The following HDAC4 variants were observed in gnomAD, a reference collection of about 807,000 sequenced individuals.
The protein encoded by HDAC4 is histone deacetylase A.
In HDAC4, 16 loss-of-function variants were observed where a neutral mutation model predicts 135.1. The observed-to-expected ratio is 0.12, with a 90% CI of 0.08 to 0.18. The LOEUF is 0.18. Among genes scored for constraint, HDAC4 ranks in the 10% least tolerant of loss-of-function variants. HDAC4 has a pLI of 1.00. For missense variants in HDAC4, 1,143 were observed against 1,511.8 expected, an observed-to-expected ratio of 0.76 and a Z score of 4.05; for synonymous variants, 685 against 653.4, an observed-to-expected ratio of 1.05 and a Z score of -0.74.
chr2:239,169,095 A>T (rs895802), intron 5 of HDAC4, among the ~76,000 whole-genome samples: 78,335 of 152,096 alleles, frequency 0.52, 20,899 homozygotes, highest in South Asian at 0.72. Context: ...GTAAACTCTG[A>T]GGAAGTAATT....
At chr2:239,083,177 G>A (rs1036218952) in intron 20 of HDAC4, among the ~76,000 whole-genome samples, 6 of 152,164 alleles carry the variant, frequency 3.9e-5, no homozygotes, top group Admixed American at 1.3e-4. Flanking sequence ...AGCTCAGCGC[G>A]CAGGGAGCAC....
chr2:239,236,566 G>A (rs201710105), intron 3 of HDAC4, 27 bp downstream of exon 3: 15 of 1,542,362 alleles, frequency 9.7e-6, no homozygotes, highest in Admixed American at 7.8e-5. Context: ...AGGGCCGGCC[G>A]GACAGGGCAG....
intron 2 of HDAC4, among the ~76,000 whole-genome samples, chr2:239,315,312 C>T (rs184592777): frequency 4.2e-4 from 64 of 152,290 alleles, no homozygotes; most frequent in Middle Eastern, 3.4e-3. Context: ...GAGGCTGTGT[C>T]ACAGGCACGT....
At chr2:239,160,795 T>C (rs1016162266) in intron 6 of HDAC4, among the ~76,000 whole-genome samples, 2 of 152,278 alleles carry the variant, frequency 1.3e-5, no homozygotes, top group Non-Finnish European at 2.9e-5. Context: ...ACTCGTCGTG[T>C]TGCTTGCTTT....
At chr2:239,165,482 C>T (rs1446097412) in intron 5 of HDAC4, among the ~76,000 whole-genome samples, 3 of 151,330 alleles carry the variant, frequency 2.0e-5, no homozygotes, top group Non-Finnish European at 4.4e-5. Flanking sequence ...TGTTGTGGGT[C>T]TGTGTGTGTG....
At chr2:239,113,078 AAAAC>A (rs917681355) in intron 13 of HDAC4, among the ~76,000 whole-genome samples, 12 of 152,234 alleles carry the variant, frequency 7.9e-5, no homozygotes, top group South Asian at 2.1e-4. Flanking sequence ...ACAAACAAAC[AAAAC>A]AAACAAACAA....
Position 239,240,831 on chromosome 2 carries a change from A to C in HDAC4, c.23-4167T>G, listed in dbSNP as rs935161442. ...TTTCGCGCCGACAGGACCCAGCCTG[A>C]ACTGAGCATTGTTTGAGACTCGGAG... On this transcript the variant is annotated intron_variant, in intron 2 of 26. Coordinates refer to ENST00000543185, the MANE Select transcript of HDAC4 (RefSeq NM_001378414.1). This position sits in a 1 kb window ranked among gnomAD's most constrained non-coding sequence, Gnocchi z 4.5. Among the ~76,000 whole-genome samples, 3 of 152,336 alleles carry C rather than the reference A, an allele frequency of 2.0e-5. No homozygotes were observed. Among genetic ancestry groups the C allele is most frequent in the African/African-American group, 7.2e-5 (3 of 41,570 alleles).
intron 2 of HDAC4, among the ~76,000 whole-genome samples, chr2:239,237,033 A>G (rs868374366): frequency 1.3e-5 from 2 of 152,250 alleles, no homozygotes; most frequent in Admixed American, 1.3e-4. Flanking sequence ...CTCTTCTCAG[A>G]TAGTGACAAA....
In HDAC4 at chr2:239,189,971, C is replaced by T. The variant is rs1246514553; in HGVS notation, c.201G>A (p.Arg67=). The change falls in exon 4 of 27, where the codon CGG becomes CGA. Residue 67 remains arginine, a synonymous_variant. Coordinates refer to ENST00000543185, the MANE Select transcript of HDAC4 (RefSeq NM_001378414.1). ...GGAGCTCCTGCTGCAGCTGCTGCTC[C>T]CGCAGGGCCGGCTCTGCCACAGGCA... ...FSLPVAEPAL[R]EQQLQQELLA... The T allele has an allele frequency of 6.2e-7, 1 of 1,608,270 alleles. No homozygotes were observed. The highest frequency in any genetic ancestry group is 1.3e-5 in the African/African-American group (1 of 75,010).
chr2:239,128,719 C>T (rs988534435), intron 11 of HDAC4, among the ~76,000 whole-genome samples: 3 of 152,198 alleles, frequency 2.0e-5, no homozygotes, highest in African/African-American at 7.2e-5. Context: ...AATACATTTT[C>T]CTTAGCGTTG....
chr2:239,068,149 G>A lies in HDAC4; in HGVS notation c.2869+340C>T, dbSNP rs1405156531. 1.3e-5 allele frequency among the ~76,000 whole-genome samples: 2 copies of A among 152,114 alleles called. No homozygotes were observed. Among genetic ancestry groups the A allele is most frequent in the East Asian group, 3.9e-4 (2 of 5,176 alleles). ...AAGGAGCACCGCCTGCCAGAGAAGCGGCATGGGGCACATCTCAGCTCTTGG... is the reference window on the plus strand; with the variant it reads ...AAGGAGCACCGCCTGCCAGAGAAGCAGCATGGGGCACATCTCAGCTCTTGG... On this transcript the variant is annotated intron_variant, in intron 23 of 26. Transcript: ENST00000543185. The surrounding 1 kb of genome is among the most constrained non-coding windows in gnomAD (Gnocchi z 4.4).
In HDAC4 at chr2:239,321,464, CAAAA is replaced by C. The variant is rs10530231; in HGVS notation, c.22+31210_22+31213del. Among the ~76,000 whole-genome samples, 281 of 56,216 alleles carry C rather than the reference CAAAA, an allele frequency of 5.0e-3. 2 individuals are homozygous for C. The highest frequency in any genetic ancestry group is 0.014 in the African/African-American group (242 of 17,192). 36.9% of individuals were successfully genotyped at this position (56,216 alleles called of 152,430 possible). A position where few individuals can be genotyped will look rare whatever the true frequency, so the allele number is the denominator to read the frequency against. On this transcript the variant is annotated intron_variant, in intron 2 of 26. Transcript: ENST00000543185. ...TGGGTGAAAGAGCAAGACTCCGTCT[CAAAA>C]AAAAAAAAAAAAAAAAAAAAAAAGG...
chr2:239,247,602 C>T (rs562425587), intron 2 of HDAC4, among the ~76,000 whole-genome samples: 60 of 152,212 alleles, frequency 3.9e-4, no homozygotes, highest in Non-Finnish European at 5.4e-4. Flanking sequence ...ACTATACAGA[C>T]GAACCATTCT....
rs759427687 is a variant in HDAC4, at chr2:239,321,565, T to C, written c.22+31113A>G. 3.5e-4 allele frequency among the ~76,000 whole-genome samples: 53 copies of C among 151,818 alleles called. 2 individuals carry two copies. The highest frequency in any genetic ancestry group is 7.9e-4 in the Admixed American group (12 of 15,228). On this transcript the variant is annotated intron_variant, in intron 2 of 26. Transcript: ENST00000543185. ...ACGTGTGTAAATGTTGGAAAAATAT[T>C]ACATTATCCCTGAAGGAGTAGCAGC...
chr2:239,115,994 A>G lies in HDAC4; in HGVS notation c.1534-684T>C, dbSNP rs114525827. On this transcript the variant is annotated intron_variant, in intron 12 of 26. Coordinates refer to ENST00000543185, the MANE Select transcript of HDAC4 (RefSeq NM_001378414.1). The surrounding 1 kb of genome is among the most constrained non-coding windows in gnomAD (Gnocchi z 6.3). ...CCCGCTATGGGGCCCCAAGAACCGC[A>G]ACATCCTCCCTCCTGTGGGACTCCC... is the stretch of plus-strand genomic sequence containing the variant. Among the ~76,000 whole-genome samples, 1,231 of 152,110 alleles carry G rather than the reference A, an allele frequency of 8.1e-3. 14 individuals carry two copies. Among genetic ancestry groups the G allele is most frequent in the African/African-American group, 0.028 (1,179 of 41,488 alleles).
chr2:239,353,019 T>A (rs955313820), intron 1 of HDAC4, 101 bp from the exon 2 acceptor site: 3 of 376,978 alleles, frequency 8.0e-6, no homozygotes, highest in Non-Finnish European at 1.0e-5. Flanking sequence ...CTCTTTTTTT[T>A]TGGAGACAGA....
chr2:239,311,458 T>G (rs150885521), intron 2 of HDAC4, among the ~76,000 whole-genome samples: 3,355 of 152,306 alleles, frequency 0.022, 50 homozygotes, highest in Middle Eastern at 0.068. Context: ...CTCCTGGCAC[T>G]CCTTTCCAAG....
chr2:239,242,110 AAG>A (rs1224950831), intron 2 of HDAC4, among the ~76,000 whole-genome samples: 441 of 148,130 alleles, frequency 3.0e-3, no homozygotes, highest in African/African-American at 0.011. Context: ...AGGAGAAAAA[AAG>A]AAAGAAAGAA....
intron 3 of HDAC4, 58 bp from the exon 4 acceptor site, chr2:239,190,135 C>T: frequency 1.3e-6 from 2 of 1,561,584 alleles, no homozygotes; most frequent in Non-Finnish European, 1.7e-6. Context: ...TCCCTGGGCC[C>T]CAGAGCCCCC....
Sources: allele counts gnomAD v4.1 joint callset (sites outside exome capture counted in the v4.1 genomes callset), GRCh38; gene constraint gnomAD v4.1.1; non-coding constraint Gnocchi (gnomAD v3.1); transcripts MANE v1.5; gene names NCBI Gene and HGNC (gene_info 2026-07-23, HGNC 2026-07-21).